The following MDGA2 variants were observed in gnomAD, a reference collection of about 807,000 sequenced individuals.
MDGA2 encodes the protein MAM domain-containing glycosylphosphatidylinositol anchor protein 2.
MDGA2 carries 40 observed loss-of-function variants against 117.8 expected under a neutral mutation model. The observed-to-expected ratio is 0.34, with a 90% CI of 0.26 to 0.44. The LOEUF (loss-of-function observed/expected upper bound fraction) is 0.44. MDGA2 is among the 20% of genes least tolerant of loss of function. The pLI, the probability that MDGA2 is intolerant of heterozygous loss-of-function variation, is 1.00. For synonymous variants in MDGA2, 452 were observed against 439.0 expected, an observed-to-expected ratio of 1.03 and a Z score of -0.37; for missense variants, 1,123 against 1,250.6, an observed-to-expected ratio of 0.90 and a Z score of 1.54.
At chr14:47,065,445 A>G (rs1245177259) in intron 6 of MDGA2, among the ~76,000 whole-genome samples, 1 of 152,182 alleles carries the variant, frequency 6.6e-6, no homozygotes, top group African/African-American at 2.4e-5. Flanking sequence ...GTGAATGTCA[A>G]TGGTTCAATG....
intron 2 of MDGA2, among the ~76,000 whole-genome samples, chr14:47,229,251 T>C (rs1408667522): frequency 6.6e-6 from 1 of 152,132 alleles, no homozygotes; most frequent in South Asian, 2.1e-4. Flanking sequence ...TTTTCTTCCT[T>C]ATTCTCTGAA....
At chr14:47,174,858 GA>G (rs1438048578) in intron 3 of MDGA2, among the ~76,000 whole-genome samples, 3 of 152,084 alleles carry the variant, frequency 2.0e-5, no homozygotes, top group African/African-American at 7.2e-5. Flanking sequence ...ATGAATCCAG[GA>G]GCGGGTTTTT....
intron 5 of MDGA2, among the ~76,000 whole-genome samples, chr14:47,124,570 G>A (rs1431517045): frequency 3.9e-5 from 6 of 152,044 alleles, no homozygotes; most frequent in Non-Finnish European, 8.8e-5. Flanking sequence ...TCCACATTCA[G>A]TAATTTGGGA....
At chr14:47,598,955 G>A (rs1450512047) in intron 1 of MDGA2, among the ~76,000 whole-genome samples, 5 of 152,036 alleles carry the variant, frequency 3.3e-5, no homozygotes, top group Non-Finnish European at 7.4e-5. Flanking sequence ...TTGTAAGGAA[G>A]TGTTATTTTA....
chr14:47,338,696 CACA>C (rs1169337364), intron 1 of MDGA2, among the ~76,000 whole-genome samples: 1 of 152,050 alleles, frequency 6.6e-6, no homozygotes, highest in Non-Finnish European at 1.5e-5. Context: ...CTACTCACAA[CACA>C]ACAATTGCTT....
chr14:47,336,270 CAG>C (rs1421531874), intron 1 of MDGA2, among the ~76,000 whole-genome samples: 1 of 151,696 alleles, frequency 6.6e-6, no homozygotes, highest in African/African-American at 2.4e-5. Flanking sequence ...TTTTGGTGGA[CAG>C]AGTGATGGGA....
chr14:47,188,062 A>C (rs1477387948), intron 3 of MDGA2, among the ~76,000 whole-genome samples: 1 of 152,140 alleles, frequency 6.6e-6, no homozygotes, highest in Middle Eastern at 3.2e-3. Context: ...TTTTATAAAA[A>C]TGACTCCGGA....
intron 3 of MDGA2, among the ~76,000 whole-genome samples, chr14:47,207,334 A>G (rs1459261426): frequency 6.6e-6 from 1 of 152,048 alleles, no homozygotes; most frequent in Non-Finnish European, 1.5e-5. Context: ...TAGTAATCAA[A>G]AACATAGAAA....
chr14:47,533,065 T>C (rs546175535), intron 1 of MDGA2, among the ~76,000 whole-genome samples: 1 of 152,348 alleles, frequency 6.6e-6, no homozygotes, highest in South Asian at 2.1e-4. Context: ...CCTGGGATTA[T>C]TTATTTCTTG....
chr14:47,479,332 A>G (rs766718320), intron 1 of MDGA2, among the ~76,000 whole-genome samples: 3 of 152,014 alleles, frequency 2.0e-5, no homozygotes, highest in African/African-American at 4.8e-5. Context: ...GTGCAATCTA[A>G]TGAAGGATCT....
intron 1 of MDGA2, among the ~76,000 whole-genome samples, chr14:47,309,613 A>C (rs1889569899): frequency 6.6e-6 from 1 of 152,158 alleles, no homozygotes; most frequent in Admixed American, 6.6e-5. Flanking sequence ...TTAAATCCAG[A>C]AGCTTCTGGC....
intron 3 of MDGA2, among the ~76,000 whole-genome samples, chr14:47,163,934 C>A (rs1883751932): frequency 6.6e-6 from 1 of 152,214 alleles, no homozygotes; most frequent in African/African-American, 2.4e-5. Context: ...GCAAAAGAGG[C>A]AGCCATGTCC....
intron 1 of MDGA2, among the ~76,000 whole-genome samples, chr14:47,384,025 T>TAGATAATAGA (rs60630027): frequency 0.062 from 8,941 of 143,498 alleles, 332 homozygotes; most frequent in East Asian, 0.093. Context: ...AATAGATAGA[T>TAGATAATAGA]TAGATAAAGA....
chr14:47,588,356 A>C (rs1896372151), intron 1 of MDGA2, among the ~76,000 whole-genome samples: 1 of 151,072 alleles, frequency 6.6e-6, no homozygotes, highest in South Asian at 2.1e-4. Context: ...AAATGGCCAA[A>C]ACATTTTATA....
At chr14:47,674,358 G>A (rs1218994979) in intron 1 of MDGA2, among the ~76,000 whole-genome samples, 159 bp downstream of exon 1, 1 of 152,216 alleles carries the variant, frequency 6.6e-6, no homozygotes, top group Non-Finnish European at 1.5e-5. Flanking sequence ...AATCCGCAGC[G>A]CGCTCGCTGC....
intron 8 of MDGA2, among the ~76,000 whole-genome samples, chr14:46,973,889 T>C (rs1886357688): frequency 9.8e-6 from 1 of 102,294 alleles, no homozygotes; most frequent in Admixed American, 1.3e-4. Context: ...TTTCTTCCTT[T>C]TTAAATTATT....
chr14:46,993,152 T>G (rs2138441241), intron 8 of MDGA2, among the ~76,000 whole-genome samples: 1 of 152,294 alleles, frequency 6.6e-6, no homozygotes, highest in African/African-American at 2.4e-5. Flanking sequence ...AAATACATTT[T>G]ATTATTCTAG....
intron 1 of MDGA2, among the ~76,000 whole-genome samples, chr14:47,535,128 T>A (rs1232476985): frequency 6.6e-6 from 1 of 152,244 alleles, no homozygotes; most frequent in Non-Finnish European, 1.5e-5. Flanking sequence ...TCAGTCTGTA[T>A]TTTAATTCCT....
At chr14:46,967,006 TC>T (rs1425879742) in intron 8 of MDGA2, among the ~76,000 whole-genome samples, 3 of 152,180 alleles carry the variant, frequency 2.0e-5, no homozygotes, top group African/African-American at 7.2e-5. Flanking sequence ...AATGACAGTT[TC>T]AATGAGTACC....
Sources: gnomAD v4.1 joint callset for allele counts (sites outside exome capture counted in the v4.1 genomes callset) on GRCh38, gnomAD v4.1.1 for gene constraint, MANE v1.5 for transcripts, NCBI Gene and HGNC (gene_info 2026-07-23, HGNC 2026-07-21) for gene names.